The following GALC variants were observed in gnomAD, a reference collection of about 807,000 sequenced individuals.
GALC encodes the protein galactocerebrosidase.
Under a neutral mutation model 91.8 loss-of-function variants are expected in GALC, and 77 were observed. That is an observed-to-expected ratio of 0.84 (90% confidence interval 0.70 to 1.01). The LOEUF (loss-of-function observed/expected upper bound fraction) is 1.01. Ranked by LOEUF, GALC falls within the 50% of genes least tolerant of loss-of-function variation. The pLI, the probability that GALC is intolerant of heterozygous loss-of-function variation, is 0.00. For missense variants in GALC, 882 were observed against 855.9 expected (o/e 1.03, Z -0.38); for synonymous variants, 357 against 306.7 (o/e 1.16, Z -1.71).
intron 6 of GALC, among the ~76,000 whole-genome samples, chr14:87,979,491 A>T (rs1886648114): frequency 6.6e-6 from 1 of 152,348 alleles, no homozygotes; most frequent in African/African-American, 2.4e-5. Context: ...GAAACACTGA[A>T]AATATGTCTT....
intron 10 of GALC, chr14:87,952,946 TC>T (rs1431429267): frequency 1.1e-6 from 1 of 882,742 alleles, no homozygotes; most frequent in Non-Finnish European, 1.9e-6. Context: ...AGCCTAAACA[TC>T]AGTCAGATAT....
Position 87,941,505 on chromosome 14 carries a change from C to A in GALC, c.1724G>T (p.Gly575Val). ...ATTTACTCTTCCTGCAATGAACACA[C>A]CTCCTGTGTCAGGGGTCTCTATGTA... Reference protein sequence around the residue: ...DVYIETPDTGGVFIAGRVNKG... With the variant: ...DVYIETPDTGVVFIAGRVNKG... The change falls in exon 15 of 17, where the codon GGT becomes GTT. Residue 575 changes from glycine (G) to valine (V), a missense_variant. Transcript: ENST00000261304. 1 of 1,597,056 alleles carries A rather than the reference C, an allele frequency of 6.3e-7. No homozygotes were observed. Among genetic ancestry groups the A allele is most frequent in the Non-Finnish European group, 8.6e-7 (1 of 1,164,822 alleles).
At position 87,934,434 on chromosome 14, in the gene GALC, G is replaced by A; in HGVS notation, c.*298C>T. ...GAAGAGAGCTACCTCAGTGTTAGCA[G>A]CAAGGCTTCGAGGTCTGTACTACTC... On this transcript the variant is annotated 3_prime_UTR_variant, in exon 17 of 17. Coordinates refer to ENST00000261304, the MANE Select transcript of GALC (RefSeq NM_000153.4). 7.7e-7 allele frequency: 1 copy of A among 1,305,980 alleles called. No homozygotes were observed. Among genetic ancestry groups the A allele is most frequent in the Non-Finnish European group, 9.8e-7 (1 of 1,021,436 alleles). The allele number at this position is 1,305,980 out of a possible 1,614,324, so 80.9% of individuals were successfully genotyped here.
At chr14:87,962,582 C>T (rs1885852207) in intron 10 of GALC, among the ~76,000 whole-genome samples, 1 of 690 alleles carries the variant, frequency 1.4e-3, no homozygotes, top group Non-Finnish European at 0.011. Flanking sequence ...ATATGATACA[C>T]ACACACACAC....
At chr14:87,943,183 G>T (rs2285008) in intron 14 of GALC, among the ~76,000 whole-genome samples, 69,840 of 151,840 alleles carry the variant, frequency 0.46, 17,733 homozygotes, top group East Asian at 0.75. Context: ...CAGTAATGCT[G>T]AAAGAACAAA....
At chr14:87,946,241 AAAGGTTTACTATATC>A (rs1415626892) in intron 13 of GALC, among the ~76,000 whole-genome samples, 3 of 152,078 alleles carry the variant, frequency 2.0e-5, no homozygotes, top group Non-Finnish European at 4.4e-5. Flanking sequence ...AGAGCATAAG[AAAGGTTTACTATATC>A]AAGCATAAAA....
intron 10 of GALC, chr14:87,955,005 T>C (rs1429718372): frequency 7.2e-7 from 1 of 1,388,128 alleles, no homozygotes; most frequent in East Asian, 2.3e-5. Context: ...GAGTGATAGT[T>C]ACTTCCTCAG....
At chr14:87,941,357 T>C (rs375602648) in intron 15 of GALC, 38 bp downstream of exon 15, 50 of 1,275,766 alleles carry the variant, frequency 3.9e-5, no homozygotes, top group Non-Finnish European at 3.5e-5. Context: ...ACATAGCCCA[T>C]AAGTCATATG....
chr14:87,941,879 C>T (rs973579361), intron 14 of GALC, among the ~76,000 whole-genome samples: 11 of 152,072 alleles, frequency 7.2e-5, no homozygotes, highest in African/African-American at 2.4e-4. Flanking sequence ...TAAAATGCTA[C>T]TATTGTCTAT....
In GALC at chr14:87,934,735, G is replaced by A. The variant is rs982394931; in HGVS notation, c.2055C>T (p.Arg685=). The change falls in exon 17 of 17, where the codon CGC becomes CGT. Residue 685 remains arginine (R), a synonymous_variant. Coordinates refer to ENST00000261304, the MANE Select transcript of GALC (RefSeq NM_000153.4). ...TTCTATGATGCCCTGTTAAGTATTAGCGTGTGGCTTCCACAAGAAAGTTGT... is the reference window on the plus strand; with the variant it reads ...TTCTATGATGCCCTGTTAAGTATTAACGTGTGGCTTCCACAAGAAAGTTGT... ...QFDNFLVEAT[R] is the part of the protein sequence containing the mutation. 2 of 1,613,120 alleles carry A rather than the reference G, an allele frequency of 1.2e-6. No individual in the cohort carries two copies. Among genetic ancestry groups the A allele is most frequent in the Non-Finnish European group, 1.7e-6 (2 of 1,179,382 alleles).
Position 87,933,771 on chromosome 14 carries a change from T to C in GALC, c.*961A>G. 1 of 506,960 alleles carries C rather than the reference T, an allele frequency of 2.0e-6. No individual in the cohort carries two copies. The highest frequency in any genetic ancestry group is 4.0e-4 in the Middle Eastern group (1 of 2,510). 31.4% of individuals were successfully genotyped at this position (506,960 alleles called of 1,614,324 possible). ...TCACGTATATTTAAATATAAACATA[T>C]TTGGACTTTAAAAAGTAAGTACATC... On this transcript the variant is annotated 3_prime_UTR_variant, in exon 17 of 17. Coordinates refer to ENST00000261304, the MANE Select transcript of GALC (RefSeq NM_000153.4).
intron 8 of GALC, among the ~76,000 whole-genome samples, chr14:87,966,599 C>T (rs895957937): frequency 6.6e-6 from 1 of 152,160 alleles, no homozygotes; most frequent in African/African-American, 2.4e-5. Context: ...CACCTTACTA[C>T]TAGTGAATAT....
At chr14:87,949,196 A>T (rs1885204788) in intron 12 of GALC, among the ~76,000 whole-genome samples, 1 of 152,064 alleles carries the variant, frequency 6.6e-6, no homozygotes, top group Non-Finnish European at 1.5e-5. Context: ...CAGTATGTGC[A>T]AAGTCACAGA....
At chr14:87,938,596 T>C (rs1391859978) in intron 16 of GALC, among the ~76,000 whole-genome samples, 1 of 151,994 alleles carries the variant, frequency 6.6e-6, no homozygotes, top group Non-Finnish European at 1.5e-5. Context: ...ATGATGGCTA[T>C]CCATTTTTTA....
chr14:87,939,582 G>A (rs1835275632), intron 16 of GALC, among the ~76,000 whole-genome samples: 2 of 151,464 alleles, frequency 1.3e-5, no homozygotes, highest in South Asian at 4.2e-4. Context: ...ACATCTATAA[G>A]CTCCATGTAC....
In GALC at chr14:87,965,651, A is replaced by G. The variant is rs772066058; in HGVS notation, c.909-22T>C. 4 of 1,612,220 alleles carry G rather than the reference A, an allele frequency of 2.5e-6. No individual in the cohort carries two copies. The East Asian group carries it at 8.9e-5, about 36-fold the overall frequency. On this transcript the variant is annotated intron_variant, in intron 8 of 16. Coordinates refer to ENST00000261304, the MANE Select transcript of GALC (RefSeq NM_000153.4). ...TGTGCTAAAAGATTTGATAAAAAAG[A>G]AACACCAAGACAACTTGTGATAAAA... is the stretch of plus-strand genomic sequence containing the variant.
chr14:87,973,338 T>G (rs1487558714), intron 7 of GALC, among the ~76,000 whole-genome samples: 1 of 151,734 alleles, frequency 6.6e-6, no homozygotes, highest in Non-Finnish European at 1.5e-5. Flanking sequence ...GCATTTAATA[T>G]GTTTAATGGT....
intron 10 of GALC, among the ~76,000 whole-genome samples, chr14:87,958,884 T>C (rs1243708700): frequency 2.0e-5 from 3 of 151,622 alleles, no homozygotes; most frequent in African/African-American, 4.9e-5. Context: ...CCTGAAACTA[T>C]AAAACTAGAA....
At chr14:87,953,984 G>A (rs1189255482) in intron 10 of GALC, 19 of 1,609,070 alleles carry the variant, frequency 1.2e-5, no homozygotes, top group Non-Finnish European at 1.6e-5. Flanking sequence ...CATATACAGT[G>A]TTTCTTGGAG....
Sources: gnomAD v4.1 joint callset for allele counts (sites outside exome capture counted in the v4.1 genomes callset) on GRCh38, gnomAD v4.1.1 for gene constraint, MANE v1.5 for transcripts, NCBI Gene and HGNC (gene_info 2026-07-23, HGNC 2026-07-21) for gene names.